NUP155: variants seen among roughly 807,000 people sequenced by gnomAD.
The protein encoded by NUP155 is nucleoporin 155.
Under a neutral mutation model 180.4 loss-of-function variants are expected in NUP155, and 71 were observed. That is an observed-to-expected ratio of 0.39 (90% CI 0.33 to 0.48). The LOEUF (loss-of-function observed/expected upper bound fraction) is 0.48. Among genes scored for constraint, NUP155 ranks in the 20% least tolerant of loss-of-function variants. NUP155 has a pLI of 0.91. For synonymous variants in NUP155, 582 were observed against 559.5 expected (o/e 1.04, Z -0.57); for missense variants, 1,553 against 1,648.9 (o/e 0.94, Z 1.01).
chr5:37,303,311 C>A lies in NUP155; in HGVS notation c.3266G>T (p.Arg1089Ile), dbSNP rs201769194. 1 of 1,614,132 alleles carries A rather than the reference C, an allele frequency of 6.2e-7. No individual in the cohort carries two copies. The highest frequency in any genetic ancestry group is 8.5e-7 in the Non-Finnish European group (1 of 1,180,010). Residue 1089 changes from arginine to isoleucine, a missense_variant, in exon 28 of 35, where the codon AGA (arginine) becomes ATA (isoleucine). Coordinates refer to ENST00000231498, the MANE Select transcript of NUP155 (RefSeq NM_153485.3). The stretch of plus-strand genomic sequence containing the variant: ...TACACGAGCAGCATTACTGAAACTT[C>A]TGTTCTTCTCGTAATACCGCCAGAG... ...DLLWRYYEKNRSFSNAARVLS... is the reference protein window; with the variant it reads ...DLLWRYYEKNISFSNAARVLS...
At chr5:37,350,368 A>G (rs1746377203) in intron 6 of NUP155, 103 bp from the exon 7 acceptor site, 1 of 755,174 alleles carries the variant, frequency 1.3e-6, no homozygotes, top group Non-Finnish European at 2.3e-6. Context: ...TTCATGAAAT[A>G]CCAGTTATAA....
At chr5:37,296,785 G>GT (rs916225895) in intron 32 of NUP155, among the ~76,000 whole-genome samples, 1 of 152,184 alleles carries the variant, frequency 6.6e-6, no homozygotes, top group Non-Finnish European at 1.5e-5. Flanking sequence ...TATTAAATGT[G>GT]TTTTTTAATG....
intron 12 of NUP155, among the ~76,000 whole-genome samples, chr5:37,336,579 A>T (rs1163718373): frequency 6.6e-6 from 1 of 152,198 alleles, no homozygotes; most frequent in Non-Finnish European, 1.5e-5. Flanking sequence ...ATTATAGAGG[A>T]AGAAACAGAG....
chr5:37,370,737 G>C, intron 1 of NUP155, 84 bp downstream of exon 1: 1 of 1,612,504 alleles, frequency 6.2e-7, no homozygotes, highest in Non-Finnish European at 8.5e-7. Context: ...TATCCTCGCC[G>C]GGACCAACGC....
At chr5:37,302,980 AT>A in intron 28 of NUP155, 72 bp from the exon 29 acceptor site, 1 of 1,499,968 alleles carries the variant, frequency 6.7e-7, no homozygotes, top group Non-Finnish European at 9.3e-7. Flanking sequence ...GTCAATTAGT[AT>A]GTACTGTTTC....
intron 1 of NUP155, among the ~76,000 whole-genome samples, chr5:37,367,508 C>T (rs1162793393): frequency 6.6e-6 from 1 of 151,522 alleles, no homozygotes; most frequent in Non-Finnish European, 1.5e-5. Flanking sequence ...AACCACCGAG[C>T]CCAGCCAAAC....
rs773843289 is a variant in NUP155 at position 37,301,506 on chromosome 5, C to T, written c.3492G>A (p.Gln1164=). Residue 1164 remains glutamine, a synonymous_variant, in exon 30 of 35, where the codon CAG becomes CAA. Coordinates refer to ENST00000231498, the MANE Select transcript of NUP155 (RefSeq NM_153485.3). ...CCTGTACAGAAGAATGATGGGAATA[C>T]TGCCTTTGTAGTGTCTCCTGTATCT... ...QLQIQETLQR[Q]YSHHSSVQDA... The T allele has an allele frequency of 1.2e-5, 19 of 1,613,916 alleles. No homozygotes were observed. The South Asian group carries it at 1.8e-4, about 15-fold the overall frequency.
chr5:37,292,054 C>T lies in NUP155; in HGVS notation c.4038-16G>A. On this transcript the variant is annotated splice_polypyrimidine_tract_variant and intron_variant, in intron 34 of 34. Transcript: ENST00000231498. ...AAATCTTCTCCTACAACGAAAAAGA[C>T]ACATGATTAATTATACATTTACAAA... The T allele has an allele frequency of 1.2e-6, 2 of 1,613,510 alleles. No homozygotes were observed. The highest frequency in any genetic ancestry group is 1.7e-6 in the Non-Finnish European group (2 of 1,179,500).
At position 37,370,581 on chromosome 5, in the gene NUP155, C is replaced by T. The variant is rs893618937; in HGVS notation, c.157+240G>A. The T allele has an allele frequency of 2.1e-5, 26 of 1,248,528 alleles. No homozygotes were observed. In the African/African-American group the frequency reaches 3.5e-4, roughly 17 times the overall value. 77.3% of individuals were successfully genotyped at this position (1,248,528 alleles called of 1,614,324 possible). A position where few individuals can be genotyped will look rare whatever the true frequency, so the allele number is the denominator to read the frequency against. ...AAGCTCATTAAGGTTGAGGTCTTTG[C>T]CTCTTTCTGCTTCAACTGGGAGCTT... is the stretch of plus-strand genomic sequence containing the variant. On this transcript the variant is annotated intron_variant, in intron 1 of 34. Transcript: ENST00000231498.
chr5:37,301,991 G>C (rs918833068), intron 29 of NUP155, among the ~76,000 whole-genome samples: 2 of 152,198 alleles, frequency 1.3e-5, no homozygotes, highest in Non-Finnish European at 2.9e-5. Context: ...CCAGAAAATA[G>C]AACTTGGGTT....
At chr5:37,299,368 A>C (rs1246779862) in intron 31 of NUP155, 80 bp downstream of exon 31, 4 of 1,535,786 alleles carry the variant, frequency 2.6e-6, no homozygotes, top group Non-Finnish European at 3.6e-6. Context: ...AGCTTGCATT[A>C]TATTAGTTAC....
intron 4 of NUP155, among the ~76,000 whole-genome samples, chr5:37,355,456 A>T (rs1007620142): frequency 1.3e-5 from 2 of 151,666 alleles, no homozygotes; most frequent in African/African-American, 4.8e-5. Context: ...TGTAGTGAGC[A>T]CCAAGGTGAC....
chr5:37,352,918 A>T (rs904582038), intron 4 of NUP155, 89 bp from the exon 5 acceptor site: 13 of 825,236 alleles, frequency 1.6e-5, no homozygotes, highest in Non-Finnish European at 2.7e-5. Flanking sequence ...TGAGCTACTA[A>T]TTAAATGGTA....
At chr5:37,342,523 G>C in intron 10 of NUP155, 26 bp downstream of exon 10, 1 of 1,360,982 alleles carries the variant, frequency 7.3e-7, no homozygotes, top group Non-Finnish European at 1.1e-6. Flanking sequence ...AACAGTAATA[G>C]CAGATATGTA....
At chr5:37,305,538 C>T (rs555121119) in intron 25 of NUP155, among the ~76,000 whole-genome samples, 14 of 152,100 alleles carry the variant, frequency 9.2e-5, no homozygotes, top group South Asian at 2.1e-4. Flanking sequence ...AAAAATTAGC[C>T]GGGCTTGGTG....
Position 37,298,856 on chromosome 5 carries a change from A to G in NUP155, c.3793+12T>C. ...CAGAAAATACGTGACTGCACCTAAG[A>G]TCACAGCTTACCTAAAGGAAAGAAG... On this transcript the variant is annotated intron_variant, in intron 32 of 34. Coordinates refer to ENST00000231498, the MANE Select transcript of NUP155 (RefSeq NM_153485.3). 4.1e-6 allele frequency: 6 copies of G among 1,456,792 alleles called. No individual in the cohort carries two copies. Among genetic ancestry groups the G allele is most frequent in the Non-Finnish European group, 5.8e-6 (6 of 1,036,958 alleles). 90.2% of individuals were successfully genotyped at this position (1,456,792 alleles called of 1,614,324 possible).
rs1745126108 is a variant in NUP155, at chr5:37,333,664, C to G, written c.1348-31G>C. ...TAAAAGAAATAAATGTTTTATACATCATATTGAAGTTACATAATGCAAAAG... is the reference window on the plus strand; with the variant it reads ...TAAAAGAAATAAATGTTTTATACATGATATTGAAGTTACATAATGCAAAAG... On this transcript the variant is annotated intron_variant, in intron 12 of 34. Transcript: ENST00000231498. 3 of 1,564,542 alleles carry G rather than the reference C, an allele frequency of 1.9e-6. No homozygotes were observed. The African/African-American group carries it at 4.1e-5, about 21-fold the overall frequency.
intron 5 of NUP155, among the ~76,000 whole-genome samples, 154 bp from the exon 6 acceptor site, chr5:37,351,510 G>A (rs180978404): frequency 1.3e-5 from 2 of 151,180 alleles, no homozygotes; most frequent in Non-Finnish European, 2.9e-5. Flanking sequence ...GCAGTGGCCC[G>A]ATCTCAGCTC....
At chr5:37,345,985 C>A (rs1249633488) in intron 9 of NUP155, among the ~76,000 whole-genome samples, 1 of 149,972 alleles carries the variant, frequency 6.7e-6, no homozygotes, top group Non-Finnish European at 1.5e-5. Context: ...GAAAAAAATT[C>A]CAGAAAAAAA....
Sources: allele counts gnomAD v4.1 joint callset (sites outside exome capture counted in the v4.1 genomes callset), GRCh38; gene constraint gnomAD v4.1.1; transcripts MANE v1.5; gene names NCBI Gene and HGNC (gene_info 2026-07-23, HGNC 2026-07-21).